The following ACSM2B variants were observed in gnomAD, a reference collection of about 807,000 sequenced individuals.
ACSM2B encodes the protein acyl-CoA synthetase medium chain family member 2B.
ACSM2B carries 58 observed loss-of-function variants against 78.6 expected under a neutral mutation model. The ratio of observed to expected loss-of-function variants is 0.74; its 90% CI spans 0.60 to 0.92. The LOEUF (loss-of-function observed/expected upper bound fraction) is 0.92, where lower values mean the gene tolerates loss of function less well. ACSM2B is among the 40% of genes least tolerant of loss of function. The pLI is 0.00. For synonymous variants in ACSM2B, 257 were observed against 256.8 expected, an observed-to-expected ratio of 1.00 and a Z score of -0.01; for missense variants, 688 against 711.2, an observed-to-expected ratio of 0.97 and a Z score of 0.37.
intron 2 of ACSM2B, among the ~76,000 whole-genome samples, chr16:20,560,105 C>A (rs747226287): frequency 2.6e-5 from 4 of 150,950 alleles, no homozygotes; most frequent in Non-Finnish European, 5.9e-5. Context: ...TCACCACCAT[C>A]CATCTCCCGA....
At chr16:20,566,700 A>ATATACAGTATATAC (rs1555459379) in intron 1 of ACSM2B, among the ~76,000 whole-genome samples, 8 of 6,706 alleles carry the variant, frequency 1.2e-3, no homozygotes, top group African/African-American at 3.8e-3. Flanking sequence ...TATATATAGT[A>ATATACAGTATATAC]TATATATAGT....
rs533284410 is a variant in ACSM2B at position 20,548,986 on chromosome 16, A to G, written c.895-513T>C. ...CTATAGACATTTCAAAACAAGTGCT[A>G]CAAAAAGACCTAGTACTGAATACTT... On this transcript the variant is annotated intron_variant, in intron 6 of 13. Coordinates refer to ENST00000329697, the MANE Select transcript of ACSM2B (RefSeq NM_001105069.2). 3.2e-3 allele frequency among the ~76,000 whole-genome samples: 490 copies of G among 152,278 alleles called. 2 individuals are homozygous for G. The highest frequency in any genetic ancestry group is 6.3e-3 in the Admixed American group (97 of 15,304).
chr16:20,555,004 T>A (rs968603138), intron 4 of ACSM2B, among the ~76,000 whole-genome samples: 11 of 152,294 alleles, frequency 7.2e-5, no homozygotes, highest in African/African-American at 2.6e-4. Context: ...ATGCTAATGA[T>A]TCAGTGCTTT....
At chr16:20,549,236 T>C (rs1011289900) in intron 6 of ACSM2B, among the ~76,000 whole-genome samples, 1 of 152,188 alleles carries the variant, frequency 6.6e-6, no homozygotes, top group Non-Finnish European at 1.5e-5. Context: ...TAGAGTATTG[T>C]CTTAATCTGT....
rs375589917 is a variant in ACSM2B, at chr16:20,536,421, A to T, written c.*837T>A. The T allele has an allele frequency of 5.4e-4, 82 of 152,278 alleles. No individual in the cohort carries two copies. Among genetic ancestry groups the T allele is most frequent in the African/African-American group, 1.8e-3 (75 of 41,554 alleles). The allele number at this position is 152,278 out of a possible 1,614,324, so 9.4% of individuals were successfully genotyped here. A position where few individuals can be genotyped will look rare whatever the true frequency, so the allele number is the denominator to read the frequency against. ...ACACAGGTGAAACAATGTGGTATTT[A>T]TAATGTGTCTGGGTCAGTGCCTGGC... On this transcript the variant is annotated 3_prime_UTR_variant, in exon 14 of 14. Transcript: ENST00000329697.
Position 20,544,479 on chromosome 16 carries a change from C to G in ACSM2B, c.1281+678G>C, listed in dbSNP as rs549092646. 5.2e-5 allele frequency: 35 copies of G among 677,804 alleles called. No individual in the cohort carries two copies. In the East Asian group the frequency reaches 1.3e-3, roughly 25 times the overall value. 42.0% of individuals were successfully genotyped at this position (677,804 alleles called of 1,614,324 possible). ...AGTTTAAAAATTAAATGTGTTTATACAACAATGCTTGCCTCATGGTATGCA... is the reference window on the plus strand; with the variant it reads ...AGTTTAAAAATTAAATGTGTTTATAGAACAATGCTTGCCTCATGGTATGCA... On this transcript the variant is annotated intron_variant, in intron 10 of 13. Transcript: ENST00000329697.
chr16:20,566,254 T>TATATATATAC (rs1443301180), intron 1 of ACSM2B, among the ~76,000 whole-genome samples: 3 of 71,040 alleles, frequency 4.2e-5, no homozygotes, highest in Non-Finnish European at 8.8e-5. Context: ...AGATTATATA[T>TATATATATAC]ATATATATAT....
intron 3 of ACSM2B, among the ~76,000 whole-genome samples, chr16:20,556,484 C>G (rs1466243584): frequency 1.3e-5 from 2 of 152,156 alleles, no homozygotes; most frequent in African/African-American, 4.8e-5. Flanking sequence ...CGCCTGTAAT[C>G]CCAGCTACTC....
intron 13 of ACSM2B, among the ~76,000 whole-genome samples, chr16:20,540,064 G>A (rs1278320283): frequency 6.6e-6 from 1 of 152,192 alleles, no homozygotes; most frequent in Admixed American, 6.5e-5. Context: ...TGCAGAGAAT[G>A]GGAATACAGG....
At chr16:20,547,148 G>T in intron 8 of ACSM2B, 6 of 1,019,104 alleles carry the variant, frequency 5.9e-6, no homozygotes, top group Non-Finnish European at 7.1e-6. Context: ...CACCCACTGT[G>T]CTGGAAAGGG....
chr16:20,551,834 T>C (rs552713048), intron 6 of ACSM2B, among the ~76,000 whole-genome samples: 2 of 152,166 alleles, frequency 1.3e-5, no homozygotes, highest in Non-Finnish European at 2.9e-5. Flanking sequence ...CCCTTTTACA[T>C]GTGGTTCACC....
At position 20,569,328 on chromosome 16, in the gene ACSM2B, C is replaced by T. The variant is rs113130307; in HGVS notation, c.-8-4475G>A. 8.4e-3 allele frequency among the ~76,000 whole-genome samples: 1,281 copies of T among 152,104 alleles called. 6 individuals are homozygous for T. The highest frequency in any genetic ancestry group is 0.031 in the Middle Eastern group (9 of 294). Reference sequence around the variant, plus strand: ...CCATTTGTTGAATAGAGTGTCCTTTCCCCACTTTGTGTTTTTGTTTGCTTT... The same window carrying T: ...CCATTTGTTGAATAGAGTGTCCTTTTCCCACTTTGTGTTTTTGTTTGCTTT... On this transcript the variant is annotated intron_variant, in intron 1 of 13. Coordinates refer to ENST00000329697, the MANE Select transcript of ACSM2B (RefSeq NM_001105069.2).
chr16:20,553,161 T>C (rs572212755), intron 5 of ACSM2B, among the ~76,000 whole-genome samples: 2 of 152,334 alleles, frequency 1.3e-5, no homozygotes, highest in African/African-American at 2.4e-5. Context: ...ATTTTTTGCA[T>C]TAATGTATCT....
At chr16:20,558,822 G>T (rs1171941166) in intron 3 of ACSM2B, among the ~76,000 whole-genome samples, 1 of 152,208 alleles carries the variant, frequency 6.6e-6, no homozygotes, top group Non-Finnish European at 1.5e-5. Flanking sequence ...GGAAACAAGT[G>T]GGCATAGCTG....
chr16:20,567,454 T>C (rs1167705102), intron 1 of ACSM2B, among the ~76,000 whole-genome samples: 1 of 119,070 alleles, frequency 8.4e-6, no homozygotes, highest in Non-Finnish European at 1.6e-5. Flanking sequence ...AGTATATTAT[T>C]ATATAACATA....
intron 1 of ACSM2B, chr16:20,575,508 C>T (rs2016222237): frequency 6.6e-6 from 1 of 151,874 alleles, no homozygotes; most frequent in South Asian, 2.1e-4. Flanking sequence ...AACCTGGAGT[C>T]TGATGTTCAA....
At chr16:20,543,964 C>T (rs2015069012) in intron 10 of ACSM2B, among the ~76,000 whole-genome samples, 1 of 152,166 alleles carries the variant, frequency 6.6e-6, no homozygotes, top group Non-Finnish European at 1.5e-5. Flanking sequence ...AGCTAAACAG[C>T]CATTACAGAA....
chr16:20,559,549 T>C, intron 2 of ACSM2B, 102 bp from the exon 3 acceptor site: 1 of 1,440,862 alleles, frequency 6.9e-7, no homozygotes, highest in Non-Finnish European at 9.3e-7. Flanking sequence ...AGTAAGGTTT[T>C]TTATCTCAGC....
At chr16:20,563,136 TTAAAC>T (rs1312613771) in intron 2 of ACSM2B, among the ~76,000 whole-genome samples, 1 of 152,170 alleles carries the variant, frequency 6.6e-6, no homozygotes, top group East Asian at 1.9e-4. Context: ...CTTGTGATAA[TTAAAC>T]TAATTTTTCT....
Sources: gnomAD v4.1 joint callset for allele counts (sites outside exome capture counted in the v4.1 genomes callset) on GRCh38, gnomAD v4.1.1 for gene constraint, MANE v1.5 for transcripts, NCBI Gene and HGNC (gene_info 2026-07-23, HGNC 2026-07-21) for gene names.